ARHGEF7: variants seen among roughly 807,000 people sequenced by gnomAD.
The protein encoded by ARHGEF7 is PAK-interacting exchange factor beta.
A neutral mutation model predicts 109.8 loss-of-function variants in ARHGEF7; 33 were observed. The ratio of observed to expected loss-of-function variants is 0.30; its 90% CI spans 0.23 to 0.40. The LOEUF is 0.40. ARHGEF7 is among the 10% of genes least tolerant of loss of function. The pLI is 1.00. For missense variants in ARHGEF7, 938 were observed against 1,098.5 expected, an observed-to-expected ratio of 0.85 and a Z score of 2.07; for synonymous variants, 458 against 424.6, an observed-to-expected ratio of 1.08 and a Z score of -0.97.
chr13:111,290,083 G>A (rs753590805), intron 18 of ARHGEF7, among the ~76,000 whole-genome samples: 2 of 152,218 alleles, frequency 1.3e-5, no homozygotes, highest in African/African-American at 2.4e-5. Flanking sequence ...TATTGATCAT[G>A]TTTTAAGTAA....
At chr13:111,246,432 A>G (rs1306447527) in intron 8 of ARHGEF7, among the ~76,000 whole-genome samples, 1 of 152,088 alleles carries the variant, frequency 6.6e-6, no homozygotes, top group African/African-American at 2.4e-5. Flanking sequence ...CAGTTTACCA[A>G]CCATGATGAA....
intron 8 of ARHGEF7, among the ~76,000 whole-genome samples, chr13:111,247,491 G>A (rs998133551): frequency 6.6e-6 from 1 of 152,086 alleles, no homozygotes; most frequent in Non-Finnish European, 1.5e-5. Flanking sequence ...GGCTGGTCAT[G>A]AGCTCCTGAC....
chr13:111,284,217 C>T (rs1733985624), intron 16 of ARHGEF7, among the ~76,000 whole-genome samples: 2 of 152,162 alleles, frequency 1.3e-5, no homozygotes, highest in Non-Finnish European at 2.9e-5. Flanking sequence ...GTGACACGCT[C>T]TTGCCTGGCA....
At chr13:111,191,657 A>C (rs987924051) in intron 2 of ARHGEF7, among the ~76,000 whole-genome samples, 3 of 152,064 alleles carry the variant, frequency 2.0e-5, no homozygotes, top group Non-Finnish European at 4.4e-5. Flanking sequence ...TTTAACAGAG[A>C]GTGGGTTGAG....
chr13:111,225,838 T>C (rs2085139721), intron 5 of ARHGEF7, among the ~76,000 whole-genome samples: 1 of 152,182 alleles, frequency 6.6e-6, no homozygotes. Flanking sequence ...ACAAAAATAC[T>C]GAAATTAAAC....
intron 1 of ARHGEF7, among the ~76,000 whole-genome samples, chr13:111,146,574 C>T (rs1226851006): frequency 6.6e-6 from 1 of 152,230 alleles, no homozygotes; most frequent in Non-Finnish European, 1.5e-5. Context: ...CTATTTTCTA[C>T]TGGTGATCTT....
At chr13:111,193,307 T>C (rs1267163263) in intron 2 of ARHGEF7, among the ~76,000 whole-genome samples, 2 of 152,240 alleles carry the variant, frequency 1.3e-5, no homozygotes, top group Non-Finnish European at 2.9e-5. Context: ...CCAAGGGTCC[T>C]TCCGTAGGTA....
Position 111,266,723 on chromosome 13 carries a change from A to G in ARHGEF7, c.951-825A>G. 1 of 436,818 alleles carries G rather than the reference A, an allele frequency of 2.3e-6. No homozygotes were observed. Among genetic ancestry groups the G allele is most frequent in the Non-Finnish European group, 4.7e-6 (1 of 212,296 alleles). The allele number at this position is 436,818 out of a possible 1,614,324, so 27.1% of individuals were successfully genotyped here. A position where few individuals can be genotyped will look rare whatever the true frequency, so the allele number is the denominator to read the frequency against. Reference sequence around the variant, plus strand: ...TTTCTCTGGCTCCCATTCCCTAGGTAGGAGGATGTAATCCTTCTGGTAATA... The same window carrying G: ...TTTCTCTGGCTCCCATTCCCTAGGTGGGAGGATGTAATCCTTCTGGTAATA... On this transcript the variant is annotated intron_variant, in intron 8 of 21. Transcript: ENST00000646102. This position sits in a 1 kb window ranked among gnomAD's most constrained non-coding sequence, Gnocchi z 4.8.
intron 20 of ARHGEF7, 22 bp downstream of exon 20, chr13:111,300,869 TA>T (rs770946137): frequency 6.5e-7 from 1 of 1,527,712 alleles, no homozygotes; most frequent in Non-Finnish European, 9.0e-7. Context: ...TCCGGTATTC[TA>T]AAGCAGATGT....
chr13:111,221,715 A>G (rs939748964), intron 5 of ARHGEF7, among the ~76,000 whole-genome samples: 1 of 148,864 alleles, frequency 6.7e-6, no homozygotes, highest in Non-Finnish European at 1.5e-5. Context: ...ATCTGTATCT[A>G]TCTATATATA....
At chr13:111,236,971 A>T (rs190366712) in intron 6 of ARHGEF7, among the ~76,000 whole-genome samples, 1 of 152,206 alleles carries the variant, frequency 6.6e-6, no homozygotes, top group African/African-American at 2.4e-5. Flanking sequence ...GTCCCTAAAA[A>T]ACCAAAAAAC....
intron 19 of ARHGEF7, among the ~76,000 whole-genome samples, chr13:111,299,621 C>T (rs1388747953): frequency 6.6e-6 from 1 of 152,178 alleles, no homozygotes; most frequent in Non-Finnish European, 1.5e-5. Flanking sequence ...GGATTACAGG[C>T]GTGAGCCACG....
chr13:111,243,348 A>G (rs2088160408), intron 6 of ARHGEF7, among the ~76,000 whole-genome samples: 1 of 152,236 alleles, frequency 6.6e-6, no homozygotes, highest in African/African-American at 2.4e-5. Context: ...AAAATACAGA[A>G]CCTATGTATC....
intron 2 of ARHGEF7, among the ~76,000 whole-genome samples, chr13:111,179,081 C>CTTCT (rs1555355342): frequency 0.017 from 1,485 of 89,456 alleles, 20 homozygotes; most frequent in South Asian, 0.039. Flanking sequence ...AATGCCTGTT[C>CTTCT]TTTTTTTTTT....
At chr13:111,128,758 G>A (rs1033067973) in intron 1 of ARHGEF7, among the ~76,000 whole-genome samples, 3 of 152,100 alleles carry the variant, frequency 2.0e-5, no homozygotes, top group Non-Finnish European at 4.4e-5. Context: ...AAGTAAATGG[G>A]GCTATACATA....
intron 2 of ARHGEF7, among the ~76,000 whole-genome samples, chr13:111,175,985 C>T (rs2078122044): frequency 6.6e-6 from 1 of 152,178 alleles, no homozygotes; most frequent in Non-Finnish European, 1.5e-5. Flanking sequence ...CTTGTGAGAA[C>T]TCACTGTCAC....
In ARHGEF7 at chr13:111,217,789, C is replaced by A; in HGVS notation, c.579C>A (p.Thr193=). The change falls in exon 5 of 22, where the codon ACC becomes ACA. Residue 193 remains threonine (T), a synonymous_variant. Coordinates refer to ENST00000646102, the MANE Select transcript of ARHGEF7 (RefSeq NM_001354046.2). ...CAAAAGGAGACGTCATCCATGTCAC[C>A]CGTGTGGAAGAGGGAGGCTGGTGGG... ...SFSKGDVIHV[T]RVEEGGWWEG... 2 of 1,614,212 alleles carry A rather than the reference C, an allele frequency of 1.2e-6. No individual in the cohort carries two copies. The highest frequency in any genetic ancestry group is 1.7e-6 in the Non-Finnish European group (2 of 1,180,030).
intron 2 of ARHGEF7, among the ~76,000 whole-genome samples, chr13:111,197,184 C>T (rs747235705): frequency 1.3e-5 from 2 of 151,654 alleles, no homozygotes; most frequent in East Asian, 3.9e-4. Context: ...ACACCTCTTG[C>T]CCAAGAACCC....
chr13:111,137,199 TA>T (rs1270309996), intron 1 of ARHGEF7, among the ~76,000 whole-genome samples: 1 of 152,212 alleles, frequency 6.6e-6, no homozygotes, highest in Non-Finnish European at 1.5e-5. Flanking sequence ...CTTCTGAAAC[TA>T]TTCCAATCAA....
Sources: allele counts gnomAD v4.1 joint callset (sites outside exome capture counted in the v4.1 genomes callset), GRCh38; gene constraint gnomAD v4.1.1; non-coding constraint Gnocchi (gnomAD v3.1); transcripts MANE v1.5; gene names NCBI Gene and HGNC (gene_info 2026-07-23, HGNC 2026-07-21).